MFSD6L: variants seen among roughly 807,000 people sequenced by gnomAD.
MFSD6L encodes the protein major facilitator superfamily domain containing 6 like.
Under a neutral mutation model 6.4 loss-of-function variants are expected in MFSD6L, and 9 were observed. The ratio of observed to expected loss-of-function variants is 1.42; its 90% CI spans 0.85 to 2.47. MFSD6L has a LOEUF of 2.47. Ranked by LOEUF, MFSD6L falls within the 30% of genes most tolerant of loss-of-function variation. The pLI is 0.00. For missense variants in MFSD6L, 747 were observed against 730.6 expected (o/e 1.02, Z -0.26); for synonymous variants, 336 against 322.4 (o/e 1.04, Z -0.45).
In MFSD6L at chr17:8,797,770, G is replaced by A; in HGVS notation, c.1351C>T (p.Leu451Phe). 1 of 1,614,042 alleles carries A rather than the reference G, an allele frequency of 6.2e-7. No homozygotes were observed. The highest frequency in any genetic ancestry group is 1.3e-5 in the African/African-American group (1 of 75,042). ...GGGAGGACGGACCACCAGCTCCAGA[G>A]GAAAGAGTAGTACAGCAGCTGCCCA... ...LAGQLLYYSF[L>F]WSWWSVLPIQ... Residue 451 changes from leucine (L) to phenylalanine (F), a missense_variant, in exon 1 of 1, where the codon CTC becomes TTC. Physicochemically the swap from Leu to Phe is conservative, Grantham distance 22 (BLOSUM62 0). Coordinates refer to ENST00000329805, the MANE Select transcript of MFSD6L (RefSeq NM_152599.4).
Position 8,798,825 on chromosome 17 carries a change from G to T in MFSD6L, c.296C>A (p.Pro99Gln). 6.2e-7 allele frequency: 1 copy of T among 1,614,030 alleles called. No homozygotes were observed. The highest frequency in any genetic ancestry group is 8.5e-7 in the Non-Finnish European group (1 of 1,180,026). The change falls in exon 1 of 1, where the codon CCG (proline) becomes CAG (glutamine). Residue 99 changes from proline (P) to glutamine (Q), a missense_variant. Coordinates refer to ENST00000329805, the MANE Select transcript of MFSD6L (RefSeq NM_152599.4). ...GAAGTGCACCCGATTTTTGTCTACC[G>T]GTGGGACCAGGACCATCAGCAGGCT... ...GASLLMVLVP[P>Q]VDKNRVHFPC... is the part of the protein sequence containing the mutation.
Position 8,797,488 on chromosome 17 carries a change from G to T in MFSD6L, c.1633C>A (p.Leu545Met), listed in dbSNP as rs2087007977. Residue 545 changes from leucine (L) to methionine (M), a missense_variant, in exon 1 of 1, where the codon CTG (leucine) becomes ATG (methionine). Transcript: ENST00000329805. ...TACTTGATTTTCCGCTCTCGGGGCA[G>T]CCTCCGCTGTATGGACAGGAGCAAG... ...LALLLSIQRRLPRERKIKYSK... is the reference protein window; with the variant it reads ...LALLLSIQRRMPRERKIKYSK... The T allele has an allele frequency of 6.2e-7, 1 of 1,614,150 alleles. No homozygotes were observed. Among genetic ancestry groups the T allele is most frequent in the East Asian group, 2.2e-5 (1 of 44,886 alleles).
At position 8,798,055 on chromosome 17, in the gene MFSD6L, C is replaced by A. The variant is rs2151155312; in HGVS notation, c.1066G>T (p.Val356Phe). 6.2e-7 allele frequency: 1 copy of A among 1,614,086 alleles called. No homozygotes were observed. Among genetic ancestry groups the A allele is most frequent in the Non-Finnish European group, 8.5e-7 (1 of 1,180,016 alleles). ...CCCCCCACAATGGACAGTGCTTTGA[C>A]CCTTTTGTAGCTGGGCTCCCACTGC... is the stretch of plus-strand genomic sequence containing the variant. Reference protein sequence around the residue: ...CQQWEPSYKRVKALSIVGGDP... With the variant: ...CQQWEPSYKRFKALSIVGGDP... The change falls in exon 1 of 1, where the codon GTC becomes TTC. Residue 356 changes from valine to phenylalanine, a missense_variant. Coordinates refer to ENST00000329805, the MANE Select transcript of MFSD6L (RefSeq NM_152599.4).
rs376315672 is a variant in MFSD6L, at chr17:8,798,892, T to C, written c.229A>G (p.Arg77Gly). The change falls in exon 1 of 1, where the codon AGA becomes GGA. Residue 77 changes from arginine to glycine, a missense_variant. Arg to Gly is a moderately radical substitution (Grantham distance 125, BLOSUM62 -2). Transcript: ENST00000329805. ...AFLAKSYRKR[R>G]ALLIGSLLGS... ...AGCAGGGAGCCGATCAGAAGCGCTC[T>C]CCTTTTCCGGTAGCTTTTGGCCAGG... 4.3e-6 allele frequency: 7 copies of C among 1,613,786 alleles called. No individual in the cohort carries two copies. The African/African-American group carries it at 8.0e-5, about 18-fold the overall frequency.
rs1597365200 is a variant in MFSD6L at position 8,797,439 on chromosome 17, A to C, written c.1682T>G (p.Val561Gly). ...CTGCTCAGAGTCACTGGTGTCACTC[A>C]CCTCCATGGACAGCAGCTTCGAGTA... Reference protein sequence around the residue: ...IKYSKLLSMEVSDTSDSEQGT... With the variant: ...IKYSKLLSMEGSDTSDSEQGT... The change falls in exon 1 of 1, where the codon GTG becomes GGG. Residue 561 changes from valine (V) to glycine (G), a missense_variant. By Grantham distance (109) the Val-to-Gly change is moderately radical (BLOSUM62 -3). Coordinates refer to ENST00000329805, the MANE Select transcript of MFSD6L (RefSeq NM_152599.4). 6.2e-7 allele frequency: 1 copy of C among 1,612,200 alleles called. No homozygotes were observed. Among genetic ancestry groups the C allele is most frequent in the Non-Finnish European group, 8.5e-7 (1 of 1,179,218 alleles).
In MFSD6L at chr17:8,798,888, G is replaced by C; in HGVS notation, c.233C>G (p.Ala78Gly). 1 of 1,614,038 alleles carries C rather than the reference G, an allele frequency of 6.2e-7. No individual in the cohort carries two copies. Among genetic ancestry groups the C allele is most frequent in the Non-Finnish European group, 8.5e-7 (1 of 1,179,988 alleles). Residue 78 changes from alanine (A) to glycine (G), a missense_variant, in exon 1 of 1, where the codon GCG becomes GGG. Ala to Gly is a moderately conservative substitution (Grantham distance 60). Transcript: ENST00000329805. ...FLAKSYRKRR[A>G]LLIGSLLGSV... ...GCCGAGCAGGGAGCCGATCAGAAGC[G>C]CTCTCCTTTTCCGGTAGCTTTTGGC...
At position 8,798,252 on chromosome 17, in the gene MFSD6L, C is replaced by T; in HGVS notation, c.869G>A (p.Trp290Ter). ...GCCTGCCGACATGCCCAGCAACCTC[C>T]AGACCCACAGGCTTCTGTATCGGTC... ...ATDRYRSLWV[W>*]RLLGMSAGVC... Residue 290 changes from tryptophan (W) to a stop codon, truncating the protein, a stop_gained, in exon 1 of 1, where the codon TGG becomes TAG. Coordinates refer to ENST00000329805, the MANE Select transcript of MFSD6L (RefSeq NM_152599.4). LOFTEE classifies it low-confidence loss of function (END_TRUNC). 1 of 1,609,414 alleles carries T rather than the reference C, an allele frequency of 6.2e-7. No homozygotes were observed. The highest frequency in any genetic ancestry group is 8.5e-7 in the Non-Finnish European group (1 of 1,180,012).
In MFSD6L at chr17:8,798,613, C is replaced by T. The variant is rs373502069; in HGVS notation, c.508G>A (p.Val170Ile). 1.2e-6 allele frequency: 2 copies of T among 1,614,036 alleles called. No homozygotes were observed. Among genetic ancestry groups the T allele is most frequent in the African/African-American group, 1.3e-5 (1 of 74,910 alleles). Residue 170 changes from valine to isoleucine, a missense_variant, in exon 1 of 1, where the codon GTC becomes ATC. Transcript: ENST00000329805. ...SDRETFRDLH[V>I]YLAPSVEGAR... ...CCTTCAACGGAGGGCGCTAAGTAGA[C>T]GTGCAGATCACGGAAAGTTTCTCGG... is the stretch of plus-strand genomic sequence containing the variant.
chr17:8,798,933 GC>G lies in MFSD6L; in HGVS notation c.187del (p.Ala63LeufsTer18). On this transcript the variant is annotated frameshift_variant, in exon 1 of 1. Transcript: ENST00000329805. LOFTEE classifies it low-confidence loss of function (END_TRUNC). ...TTTGGCCAGGAAGGCACAGACGGGA[GC>G]CCAGAAGGCAGCGATTAGGTGCTTG... Reference protein sequence around the residue: ...GTKHLIAAFWAPVCAFLAKSY... With the variant: ...GTKHLIAAFWXPVCAFLAKSY... The G allele has an allele frequency of 6.2e-7, 1 of 1,613,742 alleles. No individual in the cohort carries two copies. The highest frequency in any genetic ancestry group is 1.1e-5 in the South Asian group (1 of 91,046).
Position 8,799,333 on chromosome 17 carries a change from G to T in MFSD6L, c.-213C>A. 1 of 396,524 alleles carries T rather than the reference G, an allele frequency of 2.5e-6. No individual in the cohort carries two copies. The allele number at this position is 396,524 out of a possible 1,614,324, so 24.6% of individuals were successfully genotyped here. A position where few individuals can be genotyped will look rare whatever the true frequency, so the allele number is the denominator to read the frequency against. Reference sequence around the variant, plus strand: ...CTGCCGTTGGACCGAAAGGGGCCCCGCCCGGAGGGAGAGGCGGGGCGGGGG... The same window carrying T: ...CTGCCGTTGGACCGAAAGGGGCCCCTCCCGGAGGGAGAGGCGGGGCGGGGG... On this transcript the variant is annotated 5_prime_UTR_variant, in exon 1 of 1. Transcript: ENST00000329805. The surrounding 1 kb of genome is among the most constrained non-coding windows in gnomAD (Gnocchi z 5.3).
rs762650792 is a variant in MFSD6L, at chr17:8,798,193, C to G, written c.928G>C (p.Asp310His). 6.2e-7 allele frequency: 1 copy of G among 1,612,574 alleles called. No individual in the cohort carries two copies. The highest frequency in any genetic ancestry group is 8.5e-7 in the Non-Finnish European group (1 of 1,179,984). ...GGGCCACTGGTCATCAGGAAGCAGT[C>G]CAGCTGCCCCACCAAGGCTGTGATG... ...CGITALVGQL[D>H]CFLMTSGPRG... Residue 310 changes from aspartate (D) to histidine (H), a missense_variant, in exon 1 of 1, where the codon GAC becomes CAC. Coordinates refer to ENST00000329805, the MANE Select transcript of MFSD6L (RefSeq NM_152599.4).
Position 8,798,736 on chromosome 17 carries a change from T to G in MFSD6L, c.385A>C (p.Asn129His). ...DALPGVTLPV[N>H]ITSAQESASS... The stretch of plus-strand genomic sequence containing the variant: ...GCAGACTCTTGGGCCGAGGTGATGT[T>G]CACAGGTAGCGTGACCCCCGGGAGT... Residue 129 changes from asparagine (N) to histidine (H), a missense_variant, in exon 1 of 1, where the codon AAC (asparagine) becomes CAC (histidine). Transcript: ENST00000329805. 1 of 1,614,004 alleles carries G rather than the reference T, an allele frequency of 6.2e-7. No individual in the cohort carries two copies. The highest frequency in any genetic ancestry group is 8.5e-7 in the Non-Finnish European group (1 of 1,180,020).
In MFSD6L at chr17:8,798,777, A is replaced by AGG. The variant is rs1317529072; in HGVS notation, c.342_343dup (p.Leu115ProfsTer2). ...CCCCGGGAGTGCGTCTGTGCTGGTCAGGCCGCTGCTTCCATTACAAGGGAA... is the reference window on the plus strand; with the variant it reads ...CCCCGGGAGTGCGTCTGTGCTGGTCAGGGGCCGCTGCTTCCATTACAAGGGAA... On this transcript the variant is annotated frameshift_variant, in exon 1 of 1. Transcript: ENST00000329805. LOFTEE classifies it low-confidence loss of function (END_TRUNC). 6.2e-6 allele frequency: 10 copies of AGG among 1,614,062 alleles called. No homozygotes were observed. The highest frequency in any genetic ancestry group is 8.5e-6 in the Non-Finnish European group (10 of 1,180,026).
Position 8,798,442 on chromosome 17 carries a change from C to T in MFSD6L, c.679G>A (p.Gly227Arg), listed in dbSNP as rs2087018946. The T allele has an allele frequency of 6.2e-7, 1 of 1,607,478 alleles. No individual in the cohort carries two copies. The highest frequency in any genetic ancestry group is 1.7e-5 in the Admixed American group (1 of 59,294). The stretch of plus-strand genomic sequence containing the variant: ...AAAGCCCAGGCTTTCCCCTTGGTCC[C>T]TGACAAATTGGCTGGATTCCCGGGC... ...KGPGNPANLS[G>R]TKGKAWAFDL... Residue 227 changes from glycine to arginine, a missense_variant, in exon 1 of 1, where the codon GGG becomes AGG. Gly to Arg is a moderately radical substitution (Grantham distance 125). Transcript: ENST00000329805.
chr17:8,798,835 G>C lies in MFSD6L; in HGVS notation c.286C>G (p.Leu96Val). ...GSVGASLLMV[L>V]VPPVDKNRVH... ...CGATTTTTGTCTACCGGTGGGACCA[G>C]GACCATCAGCAGGCTGGCCCCCACC... The change falls in exon 1 of 1, where the codon CTG becomes GTG. Residue 96 changes from leucine to valine, a missense_variant. Leu to Val is a conservative substitution (Grantham distance 32). Coordinates refer to ENST00000329805, the MANE Select transcript of MFSD6L (RefSeq NM_152599.4). The C allele has an allele frequency of 6.2e-7, 1 of 1,614,088 alleles. No individual in the cohort carries two copies. Among genetic ancestry groups the C allele is most frequent in the Non-Finnish European group, 8.5e-7 (1 of 1,180,030 alleles).
Position 8,797,257 on chromosome 17 carries a change from G to A in MFSD6L, c.*103C>T, listed in dbSNP as rs1173618879. ...AGCACAGACCCATCCTCTCTTCCCC[G>A]GCTCCCAGCAGTCCAGGGCAGGTTT... On this transcript the variant is annotated 3_prime_UTR_variant, in exon 1 of 1. Coordinates refer to ENST00000329805, the MANE Select transcript of MFSD6L (RefSeq NM_152599.4). The A allele has an allele frequency of 1.8e-5, 19 of 1,085,356 alleles. No individual in the cohort carries two copies. Among genetic ancestry groups the A allele is most frequent in the South Asian group, 7.5e-5 (4 of 53,642 alleles). The allele number at this position is 1,085,356 out of a possible 1,614,324, so 67.2% of individuals were successfully genotyped here. A position where few individuals can be genotyped will look rare whatever the true frequency, so the allele number is the denominator to read the frequency against.
Position 8,797,795 on chromosome 17 carries a change from A to T in MFSD6L, c.1326T>A (p.Ala442=). Residue 442 remains alanine, a synonymous_variant, in exon 1 of 1, where the codon GCT becomes GCA. Coordinates refer to ENST00000329805, the MANE Select transcript of MFSD6L (RefSeq NM_152599.4). The stretch of plus-strand genomic sequence containing the variant: ...GGAAAGAGTAGTACAGCAGCTGCCC[A>T]GCGAGGCAGCTCAGCCCCAGCCCCA... ...GLVGLGLSCL[A]GQLLYYSFLW... The T allele has an allele frequency of 1.2e-6, 2 of 1,614,016 alleles. No individual in the cohort carries two copies. The highest frequency in any genetic ancestry group is 1.7e-6 in the Non-Finnish European group (2 of 1,180,028).
Position 8,797,431 on chromosome 17 carries a change from T to A in MFSD6L, c.1690A>T (p.Thr564Ser). 1 of 1,612,518 alleles carries A rather than the reference T, an allele frequency of 6.2e-7. No homozygotes were observed. The highest frequency in any genetic ancestry group is 8.5e-7 in the Non-Finnish European group (1 of 1,179,076). Residue 564 changes from threonine (T) to serine (S), a missense_variant, in exon 1 of 1, where the codon ACC becomes TCC. Physicochemically the swap from Thr to Ser is moderately conservative, Grantham distance 58 (BLOSUM62 1). Coordinates refer to ENST00000329805, the MANE Select transcript of MFSD6L (RefSeq NM_152599.4). ...TCTGTCCCCTGCTCAGAGTCACTGG[T>A]GTCACTCACCTCCATGGACAGCAGC... is the stretch of plus-strand genomic sequence containing the variant. ...SKLLSMEVSDTSDSEQGTEQD... is the reference protein window; with the variant it reads ...SKLLSMEVSDSSDSEQGTEQD...
Position 8,798,107 on chromosome 17 carries a change from G to T in MFSD6L, c.1014C>A (p.Ser338Arg). Residue 338 changes from serine (S) to arginine (R), a missense_variant, in exon 1 of 1, where the codon AGC becomes AGA. Transcript: ENST00000329805. ...SVVSTLALLV[S>R]IAFPIPICQQ... ...GACAGATGGGAATGGGAAAGGCAATGCTCACCAGTAAGGCCAGGGTGCTGA... is the reference window on the plus strand; with the variant it reads ...GACAGATGGGAATGGGAAAGGCAATTCTCACCAGTAAGGCCAGGGTGCTGA... 6.2e-7 allele frequency: 1 copy of T among 1,614,038 alleles called. No homozygotes were observed. The highest frequency in any genetic ancestry group is 8.5e-7 in the Non-Finnish European group (1 of 1,180,010).
Sources: allele counts gnomAD v4.1 joint callset, GRCh38; gene constraint gnomAD v4.1.1; non-coding constraint Gnocchi (gnomAD v3.1); transcripts MANE v1.5; gene names NCBI Gene and HGNC (gene_info 2026-07-23, HGNC 2026-07-21).